GALNT13: variants seen among roughly 807,000 people sequenced by gnomAD.
The protein encoded by GALNT13 is UDP-GalNAc:polypeptide N-acetylgalactosaminyltransferase 13.
A neutral mutation model predicts 64.2 loss-of-function variants in GALNT13; 28 were observed. That is an observed-to-expected ratio of 0.44 (90% CI 0.32 to 0.60). The LOEUF (loss-of-function observed/expected upper bound fraction) is 0.60, where lower values mean the gene tolerates loss of function less well. Ranked by LOEUF, GALNT13 falls within the 20% of genes least tolerant of loss-of-function variation. The pLI is 0.05. For missense variants in GALNT13, 577 were observed against 669.8 expected, an observed-to-expected ratio of 0.86 and a Z score of 1.53; for synonymous variants, 214 against 224.6, an observed-to-expected ratio of 0.95 and a Z score of 0.42.
intron 3 of GALNT13, among the ~76,000 whole-genome samples, chr2:154,052,033 C>T (rs1189158675): frequency 6.6e-6 from 1 of 152,054 alleles, no homozygotes; most frequent in Admixed American, 6.5e-5. Flanking sequence ...TCATACTCCT[C>T]TGCTCATGTA....
chr2:153,242,046 A>T, the GALNT13 span, among the ~76,000 whole-genome samples: 1 of 152,108 alleles, frequency 6.6e-6, no homozygotes, highest in East Asian at 1.9e-4. Context: ...GAGGACAGCA[A>T]TTTGGGGGCT....
At chr2:153,840,229 C>T in the GALNT13 span, among the ~76,000 whole-genome samples, 7 of 152,030 alleles carry the variant, frequency 4.6e-5, no homozygotes, top group Non-Finnish European at 8.8e-5. Context: ...GGTTTTGAAA[C>T]ACTGCTTTTC....
intron 4 of GALNT13, among the ~76,000 whole-genome samples, chr2:154,232,052 G>A (rs1248688375): frequency 6.6e-6 from 1 of 151,854 alleles, no homozygotes; most frequent in Non-Finnish European, 1.5e-5. Flanking sequence ...ACAAAAGAGA[G>A]AGAGAGAGAG....
chr2:153,196,766 G>A, the GALNT13 span, among the ~76,000 whole-genome samples: 1 of 152,130 alleles, frequency 6.6e-6, no homozygotes, highest in African/African-American at 2.4e-5. Context: ...AGCCCCCAGG[G>A]TGGTGGGCTC....
chr2:154,308,571 A>G (rs1226196687), intron 9 of GALNT13, among the ~76,000 whole-genome samples: 1 of 152,158 alleles, frequency 6.6e-6, no homozygotes, highest in Non-Finnish European at 1.5e-5. Context: ...TTTTTGTAAT[A>G]ATCTAGGAAT....
At position 153,894,089 on chromosome 2, in the gene GALNT13, C is replaced by T. The variant is rs16835322; in HGVS notation, c.-176-6847C>T. ...CCTGTTTCTTCAGGTAGCGAGGGGC[C>T]AGTGGTGAAGGAGCTGTCATTGAAC... On this transcript the variant is annotated intron_variant, in intron 1 of 12. Transcript: ENST00000392825. 8.1e-3 allele frequency among the ~76,000 whole-genome samples: 1,237 copies of T among 152,082 alleles called. 17 individuals are homozygous for T. Among genetic ancestry groups the T allele is most frequent in the African/African-American group, 0.028 (1,176 of 41,500 alleles).
the GALNT13 span, among the ~76,000 whole-genome samples, chr2:153,545,798 C>T: frequency 6.6e-6 from 1 of 152,118 alleles, no homozygotes; most frequent in Non-Finnish European, 1.5e-5. Context: ...AGTCTCTTAC[C>T]CACCCCCAAT....
chr2:153,514,005 A>G, the GALNT13 span, among the ~76,000 whole-genome samples: 4 of 152,042 alleles, frequency 2.6e-5, no homozygotes, highest in Non-Finnish European at 4.4e-5. Flanking sequence ...CTCAAGCTCT[A>G]TTTTCTAGGG....
At chr2:153,616,873 G>T in the GALNT13 span, among the ~76,000 whole-genome samples, 1 of 151,896 alleles carries the variant, frequency 6.6e-6, no homozygotes, top group South Asian at 2.1e-4. Context: ...TACAAACAAG[G>T]ATAATTTGAC....
At chr2:153,396,396 T>C in the GALNT13 span, among the ~76,000 whole-genome samples, 22 of 152,062 alleles carry the variant, frequency 1.4e-4, no homozygotes, top group South Asian at 2.1e-4. Context: ...ATAGAAAATA[T>C]GTATTTTCAC....
intron 7 of GALNT13, among the ~76,000 whole-genome samples, chr2:154,254,508 GA>G (rs1170251924): frequency 6.6e-6 from 1 of 152,036 alleles, no homozygotes; most frequent in Non-Finnish European, 1.5e-5. Context: ...TAGCATCTAA[GA>G]GGACCCCATT....
chr2:153,557,119 C>T, the GALNT13 span, among the ~76,000 whole-genome samples: 1 of 152,018 alleles, frequency 6.6e-6, no homozygotes, highest in African/African-American at 2.4e-5. Context: ...ATGGTGGTCC[C>T]ATAAGATTGT....
chr2:153,251,601 C>A, the GALNT13 span, among the ~76,000 whole-genome samples: 1 of 148,542 alleles, frequency 6.7e-6, no homozygotes, highest in Non-Finnish European at 1.5e-5. Flanking sequence ...GGTATATCTC[C>A]CAATGCCATC....
chr2:153,691,630 C>T, the GALNT13 span, among the ~76,000 whole-genome samples: 274 of 151,804 alleles, frequency 1.8e-3, no homozygotes, highest in African/African-American at 6.2e-3. Context: ...AGCCAAAAGA[C>T]GAATAAACAC....
intron 3 of GALNT13, among the ~76,000 whole-genome samples, chr2:154,078,506 G>C (rs143817252): frequency 6.6e-6 from 1 of 151,466 alleles, no homozygotes; most frequent in Non-Finnish European, 1.5e-5. Context: ...TTGGAAGAAG[G>C]TTCTTTCTTC....
intron 3 of GALNT13, among the ~76,000 whole-genome samples, chr2:154,034,187 T>C (rs1698517532): frequency 6.6e-6 from 1 of 152,198 alleles, no homozygotes; most frequent in South Asian, 2.1e-4. Flanking sequence ...ATAGCAGCTT[T>C]ATTTATAATC....
rs185158000 is a variant in GALNT13 at position 154,329,087 on chromosome 2, T to C, written c.1156+27498T>C. On this transcript the variant is annotated intron_variant, in intron 9 of 12. Coordinates refer to ENST00000392825, the MANE Select transcript of GALNT13 (RefSeq NM_052917.4). ...AGATGTTGAAAGTGTTTTTACCCAG[T>C]TTGTGGTTTGCAATTTGGTTCCTTT... is the stretch of plus-strand genomic sequence containing the variant. Among the ~76,000 whole-genome samples the C allele has an allele frequency of 2.0e-3, 301 of 152,110 alleles. 1 individual carries two copies. Among genetic ancestry groups the C allele is most frequent in the African/African-American group, 6.0e-3 (250 of 41,542 alleles).
At chr2:153,484,334 A>T in the GALNT13 span, among the ~76,000 whole-genome samples, 1 of 152,182 alleles carries the variant, frequency 6.6e-6, no homozygotes, top group Non-Finnish European at 1.5e-5. Context: ...GTATTCCATT[A>T]TGTGAACATA....
At chr2:153,385,181 T>G in the GALNT13 span, among the ~76,000 whole-genome samples, 1 of 152,098 alleles carries the variant, frequency 6.6e-6, no homozygotes. Context: ...ATCCCATTGC[T>G]GGGTATATAC....
Sources: allele counts gnomAD v4.1 joint callset (sites outside exome capture counted in the v4.1 genomes callset), GRCh38; gene constraint gnomAD v4.1.1; transcripts MANE v1.5; gene names NCBI Gene and HGNC (gene_info 2026-07-23, HGNC 2026-07-21).